TMEM120A: variants seen among roughly 807,000 people sequenced by gnomAD.
TMEM120A encodes the protein transmembrane protein 120A, also known as ion channel TACAN.
TMEM120A carries 45 observed loss-of-function variants against 54.3 expected under a neutral mutation model. The ratio of observed to expected loss-of-function variants is 0.83; its 90% CI spans 0.65 to 1.06. The LOEUF is 1.06. Among genes scored for constraint, TMEM120A ranks in the 50% least tolerant of loss-of-function variants. The probability of loss-of-function intolerance (pLI) is 0.00; values close to 1 mark genes in which losing one functional copy is unlikely to be tolerated. For missense variants in TMEM120A, 424 were observed against 441.7 expected (o/e 0.96, Z 0.36); for synonymous variants, 204 against 178.5 (o/e 1.14, Z -1.14).
chr7:75,991,442 G>A (rs1554561771), intron 3 of TMEM120A, among the ~76,000 whole-genome samples: 1 of 151,908 alleles, frequency 6.6e-6, no homozygotes, highest in Non-Finnish European at 1.5e-5. Flanking sequence ...GTCTCACTCT[G>A]TTGCCCAGGC....
intron 1 of TMEM120A, among the ~76,000 whole-genome samples, chr7:75,994,214 C>T (rs1206862784): frequency 5.9e-5 from 9 of 152,216 alleles, no homozygotes; most frequent in Admixed American, 1.3e-4. Context: ...CCGCTCTCTT[C>T]TGGGAAGGGA....
At chr7:75,990,335 A>G (rs552358745) in intron 3 of TMEM120A, among the ~76,000 whole-genome samples, 2 of 152,102 alleles carry the variant, frequency 1.3e-5, no homozygotes, top group African/African-American at 4.8e-5. Flanking sequence ...CTGTGCCGGG[A>G]GCACTCCTCA....
intron 11 of TMEM120A, 30 bp from the exon 12 acceptor site, chr7:75,987,315 A>G (rs1554560008): frequency 1.3e-6 from 2 of 1,571,936 alleles, no homozygotes; most frequent in Non-Finnish European, 8.6e-7. Context: ...AGGGCTGGAC[A>G]TGGGCCTGGC....
intron 3 of TMEM120A, among the ~76,000 whole-genome samples, chr7:75,991,460 C>T (rs983186281): frequency 3.3e-5 from 5 of 152,048 alleles, no homozygotes; most frequent in Admixed American, 1.3e-4. Flanking sequence ...GGCTACAGTC[C>T]GGTGGTGCGA....
chr7:75,987,388 G>A lies in TMEM120A; in HGVS notation c.890C>T (p.Ala297Val). 1 of 1,566,526 alleles carries A rather than the reference G, an allele frequency of 6.4e-7. No homozygotes were observed. The highest frequency in any genetic ancestry group is 8.6e-7 in the Non-Finnish European group (1 of 1,156,350). ...CCACTCCTTGCACTGAGGGTCCTGG[G>A]CCAGGTTGAACAACGTCAGCGCGTT... ...LFNALTLFNL[A>V]QDPQCKEWQV... Residue 297 changes from alanine to valine, a missense_variant, in exon 11 of 12, where the codon GCC becomes GTC. Ala to Val is a moderately conservative substitution (Grantham distance 64). Transcript: ENST00000493111.
In TMEM120A at chr7:75,987,254, AG is replaced by A; in HGVS notation, c.949del (p.Leu317PhefsTer10). ...GGTGGTGAAGAAATTGCCGAGGAAA[AG>A]GAGGAGGAAGGGAAAGCCGCACATA... is the stretch of plus-strand genomic sequence containing the variant. ...VLMCGFPFLL[L>X]FLGNFFTTLR... On this transcript the variant is annotated frameshift_variant, in exon 12 of 12. Transcript: ENST00000493111. LOFTEE classifies it high-confidence loss of function. 2.5e-6 allele frequency: 4 copies of A among 1,606,926 alleles called. No individual in the cohort carries two copies. The highest frequency in any genetic ancestry group is 2.2e-5 in the East Asian group (1 of 44,680).
Position 75,987,527 on chromosome 7 carries a change from G to T in TMEM120A, c.849+11C>A, listed in dbSNP as rs1554560148. 2 of 1,583,908 alleles carry T rather than the reference G, an allele frequency of 1.3e-6. No individual in the cohort carries two copies. Among genetic ancestry groups the T allele is most frequent in the Non-Finnish European group, 1.7e-6 (2 of 1,166,028 alleles). On this transcript the variant is annotated intron_variant, in intron 10 of 11. Transcript: ENST00000493111. ...CAGACAGACAGGCAGGGACACAGAGGCACGACTTACGTGTCCAAAGAAAAG... is the reference window on the plus strand; with the variant it reads ...CAGACAGACAGGCAGGGACACAGAGTCACGACTTACGTGTCCAAAGAAAAG...
chr7:75,991,088 C>T (rs557559583), intron 3 of TMEM120A, among the ~76,000 whole-genome samples: 1 of 152,178 alleles, frequency 6.6e-6, no homozygotes, highest in African/African-American at 2.4e-5. Context: ...CTTTCTTCTC[C>T]CTGCCTTCTG....
In TMEM120A at chr7:75,992,184, G is replaced by T; in HGVS notation, c.277C>A (p.Leu93Ile). 6.2e-7 allele frequency: 1 copy of T among 1,611,658 alleles called. No homozygotes were observed. The highest frequency in any genetic ancestry group is 8.5e-7 in the Non-Finnish European group (1 of 1,178,872). Residue 93 changes from leucine (L) to isoleucine (I), a missense_variant, in exon 3 of 12, where the codon CTC becomes ATC. Leu to Ile is a conservative substitution (Grantham distance 5, BLOSUM62 2). Coordinates refer to ENST00000493111, the MANE Select transcript of TMEM120A (RefSeq NM_031925.3). The stretch of plus-strand genomic sequence containing the variant: ...AAATAGGCCTCCATGTCAAAGAAGA[G>T]GCCTTGGCGCTCTTTCATCTGGTTC... The part of the protein sequence containing the change: ...LENQMKERQG[L>I]FFDMEAYLPK...
intron 3 of TMEM120A, among the ~76,000 whole-genome samples, chr7:75,990,470 G>C (rs1554561624): frequency 2.6e-5 from 4 of 152,086 alleles, no homozygotes; most frequent in African/African-American, 9.7e-5. Flanking sequence ...AGGTGGATGT[G>C]CTCGAGTCTT....
rs782274974 is a variant in TMEM120A, at chr7:75,988,023, G to T, written c.630-39C>A. On this transcript the variant is annotated intron_variant, in intron 7 of 11. Transcript: ENST00000493111. ...TGGAGGGCAGTGTGGGGACCCTTGG[G>T]GATGCCGTGTATCCCCTCCTTGTCC... 3 of 1,594,736 alleles carry T rather than the reference G, an allele frequency of 1.9e-6. No homozygotes were observed. The South Asian group carries it at 3.4e-5, about 18-fold the overall frequency.
At chr7:75,993,872 C>G (rs2116678499) in intron 1 of TMEM120A, among the ~76,000 whole-genome samples, 1 of 152,286 alleles carries the variant, frequency 6.6e-6, no homozygotes, top group Non-Finnish European at 1.5e-5. Flanking sequence ...CAGACAATTC[C>G]TCCCGTAGCT....
chr7:75,988,559 G>T, intron 4 of TMEM120A, 43 bp from the exon 5 acceptor site: 1 of 1,403,636 alleles, frequency 7.1e-7, no homozygotes, highest in Non-Finnish European at 9.9e-7. Flanking sequence ...TGCTGGTGGG[G>T]CCCATGTGTG....
chr7:75,991,810 G>T (rs782595523), intron 3 of TMEM120A, among the ~76,000 whole-genome samples: 1 of 152,128 alleles, frequency 6.6e-6, no homozygotes, highest in Non-Finnish European at 1.5e-5. Context: ...CTCCCAGAGT[G>T]CTGAGATTAC....
chr7:75,991,737 G>A (rs1554561805), intron 3 of TMEM120A, among the ~76,000 whole-genome samples: 1 of 152,034 alleles, frequency 6.6e-6, no homozygotes, highest in East Asian at 1.9e-4. Flanking sequence ...GAGACATAGG[G>A]TCTCAGTATG....
rs782704684 is a variant in TMEM120A at position 75,987,975 on chromosome 7, A to G, written c.639T>C (p.Gly213=). ...GGTTCCGGAATTTCTGGTACATGAG[A>G]CCGTCGGGCCTAAGGTAAAAAGTGG... The part of the protein sequence containing the change: ...LSGVMLTWPD[G]LMYQKFRNQF... Residue 213 remains glycine (G), a synonymous_variant, in exon 8 of 12, where the codon GGT becomes GGC. Transcript: ENST00000493111. 2 of 1,600,990 alleles carry G rather than the reference A, an allele frequency of 1.2e-6. No individual in the cohort carries two copies. The highest frequency in any genetic ancestry group is 1.7e-6 in the Non-Finnish European group (2 of 1,174,376).
At position 75,989,526 on chromosome 7, in the gene TMEM120A, C is replaced by T. The variant is rs374876978; in HGVS notation, c.318-302G>A. Among the ~76,000 whole-genome samples, 193 of 151,486 alleles carry T rather than the reference C, an allele frequency of 1.3e-3. 8 individuals are homozygous for T. The South Asian group carries it at 0.036, about 28-fold the overall frequency. On this transcript the variant is annotated intron_variant, in intron 3 of 11. Transcript: ENST00000493111. ...GCACCAAGAGAACCCGGCTCTCCCT[C>T]CCTGCTGAGGGCCGTCCCCCTGTCC...
intron 1 of TMEM120A, among the ~76,000 whole-genome samples, chr7:75,993,535 G>C (rs1789926055): frequency 6.6e-6 from 1 of 152,240 alleles, no homozygotes. Context: ...CGGGGAGACT[G>C]GGTCTGCTCA....
At chr7:75,994,412 C>G (rs1554562650) in intron 1 of TMEM120A, 78 bp downstream of exon 1, 13 of 1,367,412 alleles carry the variant, frequency 9.5e-6, no homozygotes. Context: ...CACTGCCTGA[C>G]CCAGGGCTGC....
Sources: allele counts gnomAD v4.1 joint callset (sites outside exome capture counted in the v4.1 genomes callset), GRCh38; gene constraint gnomAD v4.1.1; transcripts MANE v1.5; gene names NCBI Gene and HGNC (gene_info 2026-07-23, HGNC 2026-07-21).